Variants in OTUD7A observed in about 807,000 individuals in gnomAD.
OTUD7A encodes OTU deubiquitinase 7A.
OTUD7A carries 12 observed loss-of-function variants against 65.7 expected under a neutral mutation model. That is an observed-to-expected ratio of 0.18 (90% confidence interval 0.12 to 0.30). OTUD7A has a LOEUF of 0.30. OTUD7A is among the 10% of genes least tolerant of loss of function. The pLI is 1.00. For missense variants in OTUD7A, 1,148 were observed against 1,304.8 expected (o/e 0.88, Z 1.85); for synonymous variants, 641 against 586.3 (o/e 1.09, Z -1.35).
chr15:31,592,796 C>G (rs933798567), intron 3 of OTUD7A, among the ~76,000 whole-genome samples: 3 of 142,534 alleles, frequency 2.1e-5, no homozygotes, highest in African/African-American at 7.9e-5. Context: ...AGGAGAATGG[C>G]GTGAACCCAG....
intron 1 of OTUD7A, among the ~76,000 whole-genome samples, chr15:31,763,688 G>A (rs760213064): frequency 2.6e-5 from 4 of 152,092 alleles, no homozygotes; most frequent in Non-Finnish European, 4.4e-5. Context: ...AAGACACTCA[G>A]GGAACCCCAA....
chr15:31,826,066 T>C (rs541215820), intron 1 of OTUD7A, among the ~76,000 whole-genome samples: 340 of 152,324 alleles, frequency 2.2e-3, no homozygotes, highest in Non-Finnish European at 4.0e-3. Flanking sequence ...TAGTACAAGC[T>C]GTCAGTGGAT....
At chr15:31,814,836 G>GT (rs1476460185) in intron 1 of OTUD7A, among the ~76,000 whole-genome samples, 4 of 152,098 alleles carry the variant, frequency 2.6e-5, no homozygotes, top group African/African-American at 9.7e-5. Flanking sequence ...AAAATCATGC[G>GT]TAAGTTCTAT....
intron 8 of OTUD7A, among the ~76,000 whole-genome samples, chr15:31,513,840 T>C (rs910225295): frequency 2.6e-5 from 4 of 152,204 alleles, no homozygotes; most frequent in African/African-American, 9.7e-5. Flanking sequence ...CTTGAACCTA[T>C]GCAAATACTC....
chr15:31,597,173 C>T (rs922076591), intron 3 of OTUD7A, among the ~76,000 whole-genome samples: 1 of 152,136 alleles, frequency 6.6e-6, no homozygotes, highest in African/African-American at 2.4e-5. Flanking sequence ...AGTAATCTGC[C>T]GGCCTTGGCC....
At chr15:31,681,251 C>A (rs1892707325) in intron 1 of OTUD7A, among the ~76,000 whole-genome samples, 1 of 151,920 alleles carries the variant, frequency 6.6e-6, no homozygotes, top group African/African-American at 2.4e-5. Context: ...GTCTAACTAT[C>A]CATGTTTCTT....
chr15:31,710,092 G>A (rs1414836298), intron 1 of OTUD7A, among the ~76,000 whole-genome samples: 1 of 152,112 alleles, frequency 6.6e-6, no homozygotes, highest in Non-Finnish European at 1.5e-5. Flanking sequence ...CACCACGAGT[G>A]TGCACTGATT....
chr15:31,552,256 C>T (rs1888349441), intron 5 of OTUD7A, among the ~76,000 whole-genome samples: 1 of 152,112 alleles, frequency 6.6e-6, no homozygotes, highest in Non-Finnish European at 1.5e-5. Flanking sequence ...GAACTGTGAG[C>T]CAAATAAGCC....
chr15:31,538,037 A>G (rs982035208), intron 5 of OTUD7A, among the ~76,000 whole-genome samples: 6 of 152,156 alleles, frequency 3.9e-5, no homozygotes, highest in Non-Finnish European at 7.4e-5. Flanking sequence ...AAATGTTCAT[A>G]CGTCCAAGAC....
At chr15:31,515,984 A>C (rs74010685) in intron 8 of OTUD7A, among the ~76,000 whole-genome samples, 1 of 151,364 alleles carries the variant, frequency 6.6e-6, no homozygotes, top group African/African-American at 2.4e-5. Flanking sequence ...GCATCCATCC[A>C]TGTACTCATC....
chr15:31,483,640 G>C lies in OTUD7A; in HGVS notation c.2456C>G (p.Ala819Gly). Residue 819 changes from alanine to glycine, a missense_variant, in exon 13 of 13, where the codon GCG becomes GGG. Coordinates refer to ENST00000307050, the MANE Select transcript of OTUD7A (RefSeq NM_001382637.1). ...RSLSSQSYSPARAAALRTVNT... is the reference protein window; with the variant it reads ...RSLSSQSYSPGRAAALRTVNT... ...GACGGTGCGCAGGGCGGCGGCGCGC[G>C]CCGGGCTGTAGCTCTGCGACGACAG... 1 of 1,178,078 alleles carries C rather than the reference G, an allele frequency of 8.5e-7. No individual in the cohort carries two copies. The highest frequency in any genetic ancestry group is 1.0e-6 in the Non-Finnish European group (1 of 956,268). The allele number at this position is 1,178,078 out of a possible 1,614,324, so 73.0% of individuals were successfully genotyped here.
In OTUD7A at chr15:31,510,532, C is replaced by T. The variant is rs1299843136; in HGVS notation, c.894-6714G>A. On this transcript the variant is annotated intron_variant, in intron 8 of 12. Transcript: ENST00000307050. ...CATATATATGTATATCTATATGTAA[C>T]ATACATATGTATATCTATATGTAAC... Among the ~76,000 whole-genome samples, 2 of 132,710 alleles carry T rather than the reference C, an allele frequency of 1.5e-5. 1 individual carries two copies. Among genetic ancestry groups the T allele is most frequent in the Non-Finnish European group, 3.1e-5 (2 of 65,420 alleles). 87.1% of individuals were successfully genotyped at this position (132,710 alleles called of 152,430 possible). A position where few individuals can be genotyped will look rare whatever the true frequency, so the allele number is the denominator to read the frequency against.
At chr15:31,809,911 A>G (rs1896377010) in intron 1 of OTUD7A, among the ~76,000 whole-genome samples, 1 of 152,248 alleles carries the variant, frequency 6.6e-6, no homozygotes, top group Non-Finnish European at 1.5e-5. Flanking sequence ...TTAGTCCGTT[A>G]AAGACTTCCA....
intron 1 of OTUD7A, among the ~76,000 whole-genome samples, chr15:31,717,558 A>G (rs1893624412): frequency 6.6e-6 from 1 of 152,208 alleles, no homozygotes; most frequent in African/African-American, 2.4e-5. Flanking sequence ...TGTCCCTACA[A>G]AGGACATGAA....
At chr15:31,611,621 C>T (rs1315171051) in intron 3 of OTUD7A, among the ~76,000 whole-genome samples, 2 of 152,046 alleles carry the variant, frequency 1.3e-5, no homozygotes, top group Admixed American at 1.3e-4. Flanking sequence ...ATTAGATACC[C>T]TGAACAGACC....
chr15:31,587,974 T>C (rs1276126348), intron 3 of OTUD7A, among the ~76,000 whole-genome samples: 2 of 152,020 alleles, frequency 1.3e-5, no homozygotes, highest in Admixed American at 6.6e-5. Flanking sequence ...CCTGACCTTT[T>C]TATCTAAAAT....
chr15:31,592,912 T>C (rs374425120), intron 3 of OTUD7A, among the ~76,000 whole-genome samples: 1 of 47,594 alleles, frequency 2.1e-5, no homozygotes, highest in African/African-American at 1.2e-4. Context: ...AAAATATATA[T>C]ATATATATAT....
chr15:31,753,721 T>TATATATATTATATATACATATATTA (rs879561188), intron 1 of OTUD7A, among the ~76,000 whole-genome samples: 1 of 106,778 alleles, frequency 9.4e-6, no homozygotes, highest in African/African-American at 5.0e-5. Flanking sequence ...TATATATATA[T>TATATATATTATATATACATATATTA]TATATATATA....
intron 8 of OTUD7A, among the ~76,000 whole-genome samples, chr15:31,518,115 TA>T (rs2041885096): frequency 6.6e-6 from 1 of 152,122 alleles, no homozygotes; most frequent in Non-Finnish European, 1.5e-5. Flanking sequence ...GTTTGGATGA[TA>T]AATTGTAGTC....
Sources: gnomAD v4.1 joint callset for allele counts (sites outside exome capture counted in the v4.1 genomes callset) on GRCh38, gnomAD v4.1.1 for gene constraint, MANE v1.5 for transcripts, NCBI Gene and HGNC (gene_info 2026-07-23, HGNC 2026-07-21) for gene names.